The following C8orf34 variants were observed in gnomAD, a reference collection of about 807,000 sequenced individuals.
C8orf34 encodes chromosome 8 open reading frame 34.
C8orf34 carries 65 observed loss-of-function variants against 68.3 expected under a neutral mutation model. The observed-to-expected ratio is 0.95, with a 90% CI of 0.78 to 1.17. The LOEUF is 1.17. Ranked by LOEUF, C8orf34 falls within the 50% of genes most tolerant of loss-of-function variation. The pLI is 0.00. For missense variants in C8orf34, 664 were observed against 655.4 expected (o/e 1.01, Z -0.14); for synonymous variants, 244 against 241.2 (o/e 1.01, Z -0.11).
chr8:68,540,761 G>T (rs1815671133), intron 7 of C8orf34, among the ~76,000 whole-genome samples: 4 of 152,122 alleles, frequency 2.6e-5, no homozygotes, highest in Admixed American at 2.6e-4. Context: ...AGAATTGCTT[G>T]AACCCAGGAG....
intron 1 of C8orf34, among the ~76,000 whole-genome samples, chr8:68,346,686 G>T (rs763332168): frequency 9.2e-5 from 14 of 151,924 alleles, no homozygotes; most frequent in Non-Finnish European, 1.5e-4. Flanking sequence ...TACATAGTTG[G>T]AATCATACAA....
chr8:68,457,968 A>G (rs1197742161), intron 3 of C8orf34, among the ~76,000 whole-genome samples: 3 of 152,094 alleles, frequency 2.0e-5, no homozygotes. Context: ...TCATCCAAAG[A>G]CGGCATACCA....
At position 68,360,756 on chromosome 8, in the gene C8orf34, C is replaced by A. The variant is rs370843457; in HGVS notation, c.327+29417C>A. ...ATTTCCCTTTTCCTTTTCTTCCTTT[C>A]TTTTTTTTTTTTTTTTTCTTGAGCC... On this transcript the variant is annotated intron_variant, in intron 1 of 13. Coordinates refer to ENST00000518698, the MANE Select transcript of C8orf34 (RefSeq NM_052958.4). 5.8e-3 allele frequency among the ~76,000 whole-genome samples: 782 copies of A among 134,746 alleles called. 33 individuals carry two copies. The South Asian group carries it at 0.096, about 17-fold the overall frequency. 88.4% of individuals were successfully genotyped at this position (134,746 alleles called of 152,430 possible).
intron 3 of C8orf34, among the ~76,000 whole-genome samples, chr8:68,458,035 C>A (rs1281202228): frequency 6.6e-6 from 1 of 151,970 alleles, no homozygotes; most frequent in Non-Finnish European, 1.5e-5. Context: ...TTTGAAATCA[C>A]CCAGCATGGG....
At chr8:68,407,213 C>T (rs906196288) in intron 1 of C8orf34, among the ~76,000 whole-genome samples, 2 of 146,832 alleles carry the variant, frequency 1.4e-5, no homozygotes, top group African/African-American at 2.5e-5. Flanking sequence ...TCTAAGGTTC[C>T]TTTTTTTTTT....
chr8:68,572,588 T>G (rs1392621922), intron 7 of C8orf34, among the ~76,000 whole-genome samples: 1 of 152,026 alleles, frequency 6.6e-6, no homozygotes, highest in African/African-American at 2.4e-5. Flanking sequence ...CCATATCATT[T>G]TGATCAGTGT....
chr8:68,488,791 G>C (rs1041615327), intron 5 of C8orf34, among the ~76,000 whole-genome samples: 9 of 152,126 alleles, frequency 5.9e-5, no homozygotes, highest in Admixed American at 6.5e-5. Context: ...TGTTGCTTAT[G>C]AGAGAGATTT....
chr8:68,420,360 A>T (rs1332797068), intron 1 of C8orf34, among the ~76,000 whole-genome samples: 1 of 152,178 alleles, frequency 6.6e-6, no homozygotes, highest in Non-Finnish European at 1.5e-5. Flanking sequence ...GTCATCTGGA[A>T]TTCCAGAAAA....
chr8:68,620,622 T>A lies in C8orf34; in HGVS notation c.1106-19754T>A, dbSNP rs116144429. Among the ~76,000 whole-genome samples the A allele has an allele frequency of 3.4e-3, 501 of 146,586 alleles. 1 individual carries two copies. Among genetic ancestry groups the A allele is most frequent in the African/African-American group, 0.012 (471 of 39,460 alleles). ...ATGAAACTTGAAAACAGAAAAGGAG[T>A]CTTTTTAGGGATTTTGAACCTAAAT... On this transcript the variant is annotated intron_variant, in intron 7 of 13. Transcript: ENST00000518698.
At chr8:68,651,002 A>G (rs963320970) in intron 8 of C8orf34, among the ~76,000 whole-genome samples, 1 of 152,174 alleles carries the variant, frequency 6.6e-6, no homozygotes, top group Non-Finnish European at 1.5e-5. Context: ...CTTTGTTAGA[A>G]AAGAAATGGT....
chr8:68,735,552 G>A (rs189713695), intron 10 of C8orf34, among the ~76,000 whole-genome samples: 208 of 152,188 alleles, frequency 1.4e-3, no homozygotes, highest in African/African-American at 4.8e-3. Flanking sequence ...CTTTGGTCAA[G>A]TAACAAAACA....
In C8orf34 at chr8:68,407,574, C is replaced by T. The variant is rs150010921; in HGVS notation, c.328-31925C>T. 1.9e-3 allele frequency among the ~76,000 whole-genome samples: 285 copies of T among 152,172 alleles called. 1 individual carries two copies. The highest frequency in any genetic ancestry group is 9.1e-4 in the Non-Finnish European group (62 of 67,996). ...CAGGATGTTTACTCATGGGTCTGTT[C>T]GTGAATTCTGAGCCCTTTCAGTCTG... On this transcript the variant is annotated intron_variant, in intron 1 of 13. Coordinates refer to ENST00000518698, the MANE Select transcript of C8orf34 (RefSeq NM_052958.4).
intron 1 of C8orf34, among the ~76,000 whole-genome samples, chr8:68,422,267 C>G (rs199761333): frequency 2.6e-5 from 4 of 152,198 alleles, no homozygotes; most frequent in African/African-American, 9.7e-5. Flanking sequence ...TTCCATCTAT[C>G]AGCCTGGAAA....
At chr8:68,717,802 T>C (rs1330697695) in intron 9 of C8orf34, among the ~76,000 whole-genome samples, 1 of 152,198 alleles carries the variant, frequency 6.6e-6, no homozygotes, top group Admixed American at 6.5e-5. Flanking sequence ...AAACCAATGT[T>C]AATGTAGCAT....
intron 1 of C8orf34, among the ~76,000 whole-genome samples, chr8:68,342,881 C>G (rs1428018231): frequency 6.6e-6 from 1 of 152,026 alleles, no homozygotes; most frequent in Non-Finnish European, 1.5e-5. Context: ...AGTGAAAAGG[C>G]GAAAGTGCTC....
intron 7 of C8orf34, among the ~76,000 whole-genome samples, chr8:68,556,781 T>C (rs1816269731): frequency 6.6e-6 from 1 of 152,194 alleles, no homozygotes; most frequent in African/African-American, 2.4e-5. Context: ...GTAATGTAGG[T>C]TGTAGGTATG....
intron 7 of C8orf34, among the ~76,000 whole-genome samples, chr8:68,583,948 G>A (rs547327899): frequency 2.6e-5 from 4 of 152,056 alleles, no homozygotes; most frequent in South Asian, 2.1e-4. Flanking sequence ...AGCATGTTAT[G>A]CAATCACAAA....
At chr8:68,368,978 G>C (rs566143558) in intron 1 of C8orf34, among the ~76,000 whole-genome samples, 10 of 152,234 alleles carry the variant, frequency 6.6e-5, no homozygotes, top group Admixed American at 4.6e-4. Flanking sequence ...ATCTGAAGTT[G>C]AGCATTATCT....
At chr8:68,759,983 T>C (rs545035903) in intron 10 of C8orf34, among the ~76,000 whole-genome samples, 1 of 152,196 alleles carries the variant, frequency 6.6e-6, no homozygotes, top group South Asian at 2.1e-4. Flanking sequence ...TGAACAGATG[T>C]TTGTGAGAGT....
Sources: gnomAD v4.1 joint callset for allele counts (sites outside exome capture counted in the v4.1 genomes callset) on GRCh38, gnomAD v4.1.1 for gene constraint, MANE v1.5 for transcripts, NCBI Gene and HGNC (gene_info 2026-07-23, HGNC 2026-07-21) for gene names.